Variants in TRIO observed in about 807,000 individuals in gnomAD.
TRIO encodes the protein triple functional domain protein.
TRIO carries 58 observed loss-of-function variants against 351.9 expected under a neutral mutation model. The ratio of observed to expected loss-of-function variants is 0.16; its 90% CI spans 0.13 to 0.21. TRIO has a LOEUF of 0.21. TRIO is among the 10% of genes least tolerant of loss of function. TRIO has a pLI of 1.00. For synonymous variants in TRIO, 1,758 were observed against 1,595.7 expected (o/e 1.10, Z -2.42); for missense variants, 3,201 against 4,027.8 (o/e 0.79, Z 5.56).
At chr5:14,415,705 T>C (rs1749586540) in intron 33 of TRIO, among the ~76,000 whole-genome samples, 1 of 152,194 alleles carries the variant, frequency 6.6e-6, no homozygotes, top group African/African-American at 2.4e-5. Context: ...TTTTCAGTCA[T>C]TTTGGAAAGA....
Position 14,286,090 on chromosome 5 carries a change from CTTTTT to C in TRIO, c.348-774_348-770del, listed in dbSNP as rs576864861. On this transcript the variant is annotated intron_variant, in intron 3 of 56. Coordinates refer to ENST00000344204, the MANE Select transcript of TRIO (RefSeq NM_007118.4). This position sits in a 1 kb window ranked among gnomAD's most constrained non-coding sequence, Gnocchi z 4.4. ...GATTTAATACAATTAGAAGCTGGCA[CTTTTT>C]TTTTTTAAGTGCAATAATGTGGAGA... is the stretch of plus-strand genomic sequence containing the variant. Among the ~76,000 whole-genome samples, 655 of 147,166 alleles carry C rather than the reference CTTTTT, an allele frequency of 4.5e-3. 3 individuals carry two copies. The highest frequency in any genetic ancestry group is 7.3e-3 in the Non-Finnish European group (483 of 66,402).
chr5:14,172,810 T>C (rs981903154), intron 1 of TRIO, among the ~76,000 whole-genome samples: 3 of 152,206 alleles, frequency 2.0e-5, no homozygotes, highest in Non-Finnish European at 1.5e-5. Flanking sequence ...TACAGCAAAT[T>C]ACAGCATACA....
chr5:14,496,848 A>G, intron 49 of TRIO, 31 bp from the exon 50 acceptor site: 1 of 1,611,648 alleles, frequency 6.2e-7, no homozygotes, highest in Non-Finnish European at 8.5e-7. Flanking sequence ...TTGGAAAGGC[A>G]TAATACCCAC....
chr5:14,389,081 G>T (rs1176925340), intron 24 of TRIO, among the ~76,000 whole-genome samples: 1 of 152,190 alleles, frequency 6.6e-6, no homozygotes, highest in East Asian at 1.9e-4. Flanking sequence ...AATAATTTTA[G>T]AGTTGAAAAG....
chr5:14,290,605 A>G (rs1736822895), intron 4 of TRIO, 111 bp from the exon 5 acceptor site: 1 of 1,129,606 alleles, frequency 8.9e-7, no homozygotes, highest in Non-Finnish European at 1.2e-6. Context: ...TGTTTTCTAT[A>G]AATAGATTAC....
At chr5:14,399,400 G>A (rs1747881879) in intron 30 of TRIO, 2 of 370,794 alleles carry the variant, frequency 5.4e-6, no homozygotes, top group African/African-American at 2.1e-5. Context: ...TCATATCTAT[G>A]ACTAAGTTCT....
At chr5:14,488,925 G>A (rs1008150347) in intron 48 of TRIO, 4 of 762,292 alleles carry the variant, frequency 5.2e-6, no homozygotes, top group African/African-American at 3.4e-5. Context: ...CTCTGGCCTC[G>A]TTTGGCCCAT....
At position 14,359,647 on chromosome 5, in the gene TRIO, A is replaced by G. The variant is rs1334730666; in HGVS notation, c.2391+116A>G. 5 of 1,176,626 alleles carry G rather than the reference A, an allele frequency of 4.2e-6. No individual in the cohort carries two copies. In the East Asian group the frequency reaches 1.3e-4, roughly 30 times the overall value. 72.9% of individuals were successfully genotyped at this position (1,176,626 alleles called of 1,614,324 possible). On this transcript the variant is annotated intron_variant, in intron 13 of 56. Transcript: ENST00000344204. Reference sequence around the variant, plus strand: ...GTCCTGTGTCCTCACCCACACCCCAACCCTCTGCACCAGGAGGGGGTGTGG... The same window carrying G: ...GTCCTGTGTCCTCACCCACACCCCAGCCCTCTGCACCAGGAGGGGGTGTGG...
chr5:14,462,402 A>G (rs1189268328), intron 35 of TRIO, among the ~76,000 whole-genome samples: 1 of 152,248 alleles, frequency 6.6e-6, no homozygotes, highest in Non-Finnish European at 1.5e-5. Flanking sequence ...ACCCAAAGTG[A>G]AATCAGCTGG....
At chr5:14,368,662 T>C (rs1744806731) in intron 16 of TRIO, 46 bp from the exon 17 acceptor site, 1 of 1,585,886 alleles carries the variant, frequency 6.3e-7, no homozygotes, top group Non-Finnish European at 8.6e-7. Context: ...TTCTAGTCAG[T>C]GGGGACACTG....
chr5:14,311,177 C>T (rs1450988376), intron 8 of TRIO, among the ~76,000 whole-genome samples: 2 of 152,214 alleles, frequency 1.3e-5, no homozygotes, highest in African/African-American at 4.8e-5. Context: ...AAGTAGAGCC[C>T]AGGTGCAGCC....
At chr5:14,179,699 G>A (rs374196093) in intron 1 of TRIO, among the ~76,000 whole-genome samples, 7 of 151,924 alleles carry the variant, frequency 4.6e-5, no homozygotes, top group Admixed American at 2.0e-4. Context: ...TCCTCCCAGC[G>A]TGCTGGAATT....
At chr5:14,412,258 G>A (rs555785085) in intron 33 of TRIO, among the ~76,000 whole-genome samples, 8 of 152,232 alleles carry the variant, frequency 5.3e-5, no homozygotes, top group African/African-American at 1.9e-4. Flanking sequence ...AAAGTGCTAG[G>A]ATTACAGGCG....
intron 2 of TRIO, among the ~76,000 whole-genome samples, chr5:14,277,149 A>G (rs1216532795): frequency 6.6e-6 from 1 of 152,206 alleles, no homozygotes; most frequent in Non-Finnish European, 1.5e-5. Context: ...GAATGAAACA[A>G]AGATGTTTGC....
At chr5:14,499,091 T>G (rs1214121931) in intron 53 of TRIO, 1 of 162,590 alleles carries the variant, frequency 6.2e-6, no homozygotes, top group Non-Finnish European at 1.4e-5. Flanking sequence ...GAGATGTGGG[T>G]GAGTCCCGGG....
rs543907113 is a variant in TRIO, at chr5:14,495,357, G to C, written c.7881-1522G>C. ...TGTTGAAATATTGGCAAAGAATTTAGAATATTACATAAACTTAGTTGACAG... is the reference window on the plus strand; with the variant it reads ...TGTTGAAATATTGGCAAAGAATTTACAATATTACATAAACTTAGTTGACAG... On this transcript the variant is annotated intron_variant, in intron 49 of 56. Transcript: ENST00000344204. 1.6e-4 allele frequency among the ~76,000 whole-genome samples: 25 copies of C among 152,266 alleles called. No homozygotes were observed. The South Asian group carries it at 1.9e-3, about 11-fold the overall frequency.
In TRIO at chr5:14,405,840, T is replaced by G. The variant is rs1748660121; in HGVS notation, c.4717-8T>G. The stretch of plus-strand genomic sequence containing the variant: ...CCGTATCCTAAGCAACGCTAACACC[T>G]TGTTAAGGCTTCCAGCATAGAGAAC... On this transcript the variant is annotated splice_polypyrimidine_tract_variant and splice_region_variant and intron_variant, in intron 31 of 56. Transcript: ENST00000344204. 1.2e-6 allele frequency: 2 copies of G among 1,613,494 alleles called. No individual in the cohort carries two copies. Among genetic ancestry groups the G allele is most frequent in the South Asian group, 1.1e-5 (1 of 91,062 alleles).
At chr5:14,301,737 C>A (rs142284172) in intron 7 of TRIO, among the ~76,000 whole-genome samples, 2,522 of 152,282 alleles carry the variant, frequency 0.017, 27 homozygotes, top group Non-Finnish European at 0.027. Flanking sequence ...TGTGGAGTAT[C>A]TGTTGACACC....
chr5:14,188,631 C>T (rs1193351400), intron 1 of TRIO, among the ~76,000 whole-genome samples: 1 of 152,136 alleles, frequency 6.6e-6, no homozygotes, highest in African/African-American at 2.4e-5. Context: ...TTTTCCCCTG[C>T]ACTGTTGCTG....
Sources: gnomAD v4.1 joint callset for allele counts (sites outside exome capture counted in the v4.1 genomes callset) on GRCh38, gnomAD v4.1.1 for gene constraint, Gnocchi (gnomAD v3.1) non-coding constraint, MANE v1.5 for transcripts, NCBI Gene and HGNC (gene_info 2026-07-23, HGNC 2026-07-21) for gene names.